FRMPD4: variants seen among roughly 807,000 people sequenced by gnomAD.
FRMPD4 encodes FERM and PDZ domain-containing protein 4.
FRMPD4 carries 22 observed loss-of-function variants against 94.1 expected under a neutral mutation model. The ratio of observed to expected loss-of-function variants is 0.23; its 90% confidence interval spans 0.17 to 0.33. FRMPD4 has a LOEUF of 0.33. FRMPD4 is among the 10% of genes least tolerant of loss of function. The pLI is 1.00. For synonymous variants in FRMPD4, 631 were observed against 548.6 expected (o/e 1.15, Z -2.10); for missense variants, 1,111 against 1,339.9 (o/e 0.83, Z 2.67).
intron 3 of FRMPD4, among the ~76,000 whole-genome samples, chrX:12,103,562 C>T (rs1347253724): frequency 8.9e-6 from 1 of 111,805 alleles, no homozygotes; most frequent in Non-Finnish European, 1.9e-5. Flanking sequence ...GATATGTAAA[C>T]AAAGGGGTGT....
intron 1 of FRMPD4, among the ~76,000 whole-genome samples, chrX:12,172,750 A>T (rs1370803687): frequency 8.9e-6 from 1 of 112,452 alleles, no homozygotes; most frequent in Admixed American, 9.4e-5. Flanking sequence ...GCCATGAGCC[A>T]GGAATACAAA....
chrX:12,573,282 G>A (rs1170352473), intron 2 of FRMPD4, among the ~76,000 whole-genome samples: 2 of 112,191 alleles, frequency 1.8e-5, no homozygotes, highest in African/African-American at 6.5e-5. Flanking sequence ...AGCTCTGCCT[G>A]TCTTATTAAA....
chrX:12,624,557 A>G (rs73196385), intron 4 of FRMPD4, among the ~76,000 whole-genome samples: 2 of 111,878 alleles, frequency 1.8e-5, no homozygotes, highest in South Asian at 3.7e-4. Flanking sequence ...GTATATCATT[A>G]CAAAATATTA....
At chrX:12,612,631 T>G (rs1429145547) in intron 3 of FRMPD4, among the ~76,000 whole-genome samples, 1 of 112,602 alleles carries the variant, frequency 8.9e-6, no homozygotes, top group African/African-American at 3.2e-5. Flanking sequence ...AAGAATAGTT[T>G]CATTTGATCA....
intron 3 of FRMPD4, among the ~76,000 whole-genome samples, chrX:12,065,617 G>T (rs1443500793): frequency 1.8e-5 from 2 of 111,822 alleles, no homozygotes; most frequent in African/African-American, 6.5e-5. Flanking sequence ...GCAGCAGTCT[G>T]CCTACTGTGG....
chrX:12,008,383 C>T (rs1163444456), intron 3 of FRMPD4, among the ~76,000 whole-genome samples: 2 of 111,775 alleles, frequency 1.8e-5, no homozygotes, highest in African/African-American at 6.5e-5. Context: ...GGCACAGAAG[C>T]TGAGGGAAGC....
chrX:12,082,979 G>A (rs1345359793), intron 3 of FRMPD4, among the ~76,000 whole-genome samples: 1 of 112,534 alleles, frequency 8.9e-6, no homozygotes, highest in African/African-American at 3.2e-5. Flanking sequence ...CAGAAAATTT[G>A]CAGCCTGATG....
At chrX:12,153,765 G>A (rs1412929540) in intron 1 of FRMPD4, among the ~76,000 whole-genome samples, 2 of 112,271 alleles carry the variant, frequency 1.8e-5, no homozygotes, top group African/African-American at 6.5e-5. Flanking sequence ...CCTAGAGTTG[G>A]CAAACCATAG....
intron 1 of FRMPD4, among the ~76,000 whole-genome samples, chrX:12,166,100 G>A (rs1411653891): frequency 8.9e-6 from 1 of 111,824 alleles, no homozygotes; most frequent in African/African-American, 3.3e-5. Context: ...GAATAGGAGT[G>A]GTGAGAGAGG....
At chrX:12,426,551 A>G (rs1361781926) in intron 1 of FRMPD4, among the ~76,000 whole-genome samples, 2 of 111,778 alleles carry the variant, frequency 1.8e-5, no homozygotes, top group Non-Finnish European at 3.8e-5. Context: ...ATTCTTTCTC[A>G]TCAGGGCTGC....
At chrX:12,173,253 C>T (rs5978493) in intron 1 of FRMPD4, among the ~76,000 whole-genome samples, 5,477 of 111,985 alleles carry the variant, frequency 0.049, 320 homozygotes, top group African/African-American at 0.17. Flanking sequence ...ACAGATCTTG[C>T]ACCCAGATTG....
intron 2 of FRMPD4, among the ~76,000 whole-genome samples, chrX:11,870,288 C>T (rs985958452): frequency 2.2e-4 from 25 of 111,865 alleles, no homozygotes; most frequent in Non-Finnish European, 4.3e-4. Context: ...TTACCCACCC[C>T]TCACGTTTGT....
intron 1 of FRMPD4, among the ~76,000 whole-genome samples, chrX:11,840,784 T>C (rs1440772802): frequency 3.7e-5 from 4 of 108,277 alleles, no homozygotes; most frequent in Middle Eastern, 4.7e-3. Context: ...AGGGTACATG[T>C]GCACAATGTG....
chrX:12,131,705 C>T (rs1021014602), intron 3 of FRMPD4, among the ~76,000 whole-genome samples: 1 of 111,566 alleles, frequency 9.0e-6, no homozygotes, highest in Non-Finnish European at 1.9e-5. Flanking sequence ...TTCAAAAGTT[C>T]CCCTTATGAT....
chrX:12,276,893 G>T lies in FRMPD4; in HGVS notation c.41+137881G>T, dbSNP rs745895527. On this transcript the variant is annotated intron_variant, in intron 1 of 16. Transcript: ENST00000675598. ...TCCCAGCACTTTGGGAGGCCGAGGC[G>T]GGCGGATCACGAGGTCAGGAGATCG... 5.4e-5 allele frequency among the ~76,000 whole-genome samples: 6 copies of T among 110,492 alleles called. No individual in the cohort carries two copies. In the East Asian group the frequency reaches 1.4e-3, roughly 26 times the overall value.
intron 3 of FRMPD4, among the ~76,000 whole-genome samples, chrX:12,079,007 A>G (rs1020747112): frequency 9.0e-6 from 1 of 111,379 alleles, no homozygotes; most frequent in Non-Finnish European, 1.9e-5. Flanking sequence ...AAACATAATT[A>G]GGGTGAAATT....
chrX:12,319,567 C>T (rs1020764803), intron 1 of FRMPD4, among the ~76,000 whole-genome samples: 5 of 111,746 alleles, frequency 4.5e-5, no homozygotes, highest in Admixed American at 9.5e-5. Flanking sequence ...AGTAGCATCG[C>T]GAGTATCATT....
At chrX:12,213,234 T>A (rs1053947440) in intron 1 of FRMPD4, among the ~76,000 whole-genome samples, 5 of 112,168 alleles carry the variant, frequency 4.5e-5, no homozygotes, top group African/African-American at 1.6e-4. Context: ...TGTTTCATGA[T>A]AAGGTCCCCT....
At chrX:11,984,829 T>C (rs1426032258) in intron 3 of FRMPD4, among the ~76,000 whole-genome samples, 2 of 112,224 alleles carry the variant, frequency 1.8e-5, no homozygotes. Context: ...TAAAAAATAC[T>C]CTTACAACTC....
Sources: gnomAD v4.1 joint callset for allele counts (sites outside exome capture counted in the v4.1 genomes callset) on GRCh38, gnomAD v4.1.1 for gene constraint, MANE v1.5 for transcripts, NCBI Gene and HGNC (gene_info 2026-07-23, HGNC 2026-07-21) for gene names.